ZFAND3: variants seen among roughly 807,000 people sequenced by gnomAD.
ZFAND3 encodes zinc finger AN1-type containing 3.
A neutral mutation model predicts 29.6 loss-of-function variants in ZFAND3; 10 were observed. The ratio of observed to expected loss-of-function variants is 0.34; its 90% CI spans 0.21 to 0.57. The LOEUF is 0.57. Ranked by LOEUF, ZFAND3 falls within the 20% of genes least tolerant of loss-of-function variation. ZFAND3 has a pLI of 0.86. For synonymous variants in ZFAND3, 128 were observed against 112.6 expected, an observed-to-expected ratio of 1.14 and a Z score of -0.87; for missense variants, 230 against 304.5, an observed-to-expected ratio of 0.76 and a Z score of 1.82.
At chr6:37,959,864 C>T (rs1454994931) in intron 2 of ZFAND3, among the ~76,000 whole-genome samples, 1 of 152,154 alleles carries the variant, frequency 6.6e-6, no homozygotes, top group Admixed American at 6.5e-5. Context: ...AACCTGGGCC[C>T]ATGAAACTTG....
intron 2 of ZFAND3, among the ~76,000 whole-genome samples, chr6:37,953,760 A>G (rs1377109147): frequency 1.3e-5 from 2 of 152,096 alleles, no homozygotes; most frequent in South Asian, 2.1e-4. Context: ...ACTATAGTCA[A>G]TTATCTTTTA....
intron 2 of ZFAND3, among the ~76,000 whole-genome samples, chr6:38,053,034 G>GAAAA (rs532652816): frequency 9.7e-6 from 1 of 103,100 alleles, no homozygotes; most frequent in Non-Finnish European, 2.0e-5. Flanking sequence ...ACTCCATTTC[G>GAAAA]AAAAAAAAAA....
At position 37,914,672 on chromosome 6, in the gene ZFAND3, C is replaced by CT. The variant is rs71542148; in HGVS notation, c.72-15277dup. On this transcript the variant is annotated intron_variant, in intron 1 of 5. Transcript: ENST00000287218. ...TTTCTTTCTTTCTTTCTTTTTTTTT[C>CT]TTTTTTTTTTAGTGGAGACGGGGTT... 4.9e-4 allele frequency among the ~76,000 whole-genome samples: 56 copies of CT among 114,208 alleles called. 1 individual carries two copies. Among genetic ancestry groups the CT allele is most frequent in the African/African-American group, 8.9e-4 (25 of 28,022 alleles). The allele number at this position is 114,208 out of a possible 152,430, so 74.9% of individuals were successfully genotyped here.
intron 1 of ZFAND3, among the ~76,000 whole-genome samples, chr6:37,851,372 T>G (rs1764277446): frequency 6.6e-6 from 1 of 152,220 alleles, no homozygotes; most frequent in East Asian, 1.9e-4. Context: ...CTTTGGAAAA[T>G]AGATCTGTTC....
At chr6:38,040,875 G>C (rs994043675) in intron 2 of ZFAND3, among the ~76,000 whole-genome samples, 2 of 152,144 alleles carry the variant, frequency 1.3e-5, no homozygotes, top group African/African-American at 4.8e-5. Context: ...ATAAACTTCT[G>C]TTATCTGATC....
At position 37,819,933 on chromosome 6, in the gene ZFAND3, G is replaced by T; in HGVS notation, c.-13G>T. 1.6e-6 allele frequency: 2 copies of T among 1,215,868 alleles called. No homozygotes were observed. Among genetic ancestry groups the T allele is most frequent in the Non-Finnish European group, 2.0e-6 (2 of 979,270 alleles). 75.3% of individuals were successfully genotyped at this position (1,215,868 alleles called of 1,614,324 possible). A position where few individuals can be genotyped will look rare whatever the true frequency, so the allele number is the denominator to read the frequency against. On this transcript the variant is annotated 5_prime_UTR_variant, in exon 1 of 6. Transcript: ENST00000287218. ...ACCGCTGCCGCCGCCGAGCTCCGCC[G>T]CCGCCGAGCACCATGGGAGACGCTG...
intron 2 of ZFAND3, among the ~76,000 whole-genome samples, chr6:38,011,168 T>A (rs1763145763): frequency 6.6e-6 from 1 of 152,242 alleles, no homozygotes; most frequent in South Asian, 2.1e-4. Context: ...TTTTCATTGC[T>A]TTCCATTGCA....
In ZFAND3 at chr6:37,932,108, A is replaced by G. The variant is rs577473658; in HGVS notation, c.112+2109A>G. Among the ~76,000 whole-genome samples, 3 of 152,226 alleles carry G rather than the reference A, an allele frequency of 2.0e-5. No homozygotes were observed. The East Asian group carries it at 5.8e-4, about 29-fold the overall frequency. On this transcript the variant is annotated intron_variant, in intron 2 of 5. Transcript: ENST00000287218. ...ACATGGCGAAACCCCGTCTCTACTA[A>G]AAACACAAAAATTAGCTGGGTGTGG...
At chr6:38,041,427 A>G (rs1436258662) in intron 2 of ZFAND3, among the ~76,000 whole-genome samples, 1 of 151,800 alleles carries the variant, frequency 6.6e-6, no homozygotes, top group Non-Finnish European at 1.5e-5. Flanking sequence ...TTTGCTTTCC[A>G]CTGTAAGAGC....
intron 1 of ZFAND3, among the ~76,000 whole-genome samples, chr6:37,860,649 T>G (rs947520340): frequency 7.6e-5 from 11 of 145,148 alleles, no homozygotes; most frequent in African/African-American, 2.7e-4. Flanking sequence ...TTTTTTTTTT[T>G]TTTTTTTTAA....
At chr6:38,066,390 C>G (rs931966946) in intron 3 of ZFAND3, among the ~76,000 whole-genome samples, 4 of 152,146 alleles carry the variant, frequency 2.6e-5, no homozygotes, top group African/African-American at 9.7e-5. Context: ...AGGAGATTGC[C>G]TATGTTGATA....
chr6:37,875,121 T>C (rs1764768191), intron 1 of ZFAND3, among the ~76,000 whole-genome samples: 1 of 152,246 alleles, frequency 6.6e-6, no homozygotes, highest in Non-Finnish European at 1.5e-5. Flanking sequence ...TATACTGATG[T>C]ACCTGAGTAT....
At position 38,153,345 on chromosome 6, in the gene ZFAND3, G is replaced by A. The variant is rs761763829; in HGVS notation, c.*956G>A. On this transcript the variant is annotated 3_prime_UTR_variant, in exon 6 of 6. Transcript: ENST00000287218. The stretch of plus-strand genomic sequence containing the variant: ...AGCAGCTGGGGAAGCTGCCGCCCAC[G>A]GGCTCTGCCCCTTCCAGCTGGAGCC... The A allele has an allele frequency of 7.1e-6, 7 of 985,372 alleles. No homozygotes were observed. The highest frequency in any genetic ancestry group is 1.7e-5 in the African/African-American group (1 of 57,258). The allele number at this position is 985,372 out of a possible 1,614,324, so 61.0% of individuals were successfully genotyped here. A position where few individuals can be genotyped will look rare whatever the true frequency, so the allele number is the denominator to read the frequency against.
intron 2 of ZFAND3, among the ~76,000 whole-genome samples, chr6:37,934,797 C>T (rs1191564897): frequency 7.9e-6 from 1 of 126,680 alleles, no homozygotes; most frequent in East Asian, 2.6e-4. Context: ...TGAGATTGTG[C>T]CACTGCATTC....
At chr6:37,860,181 T>C (rs999229690) in intron 1 of ZFAND3, among the ~76,000 whole-genome samples, 1 of 147,896 alleles carries the variant, frequency 6.8e-6, no homozygotes, top group African/African-American at 2.5e-5. Flanking sequence ...AAAAAGAGTT[T>C]TTTTTTTTTT....
At chr6:37,976,894 A>AT (rs1309205980) in intron 2 of ZFAND3, among the ~76,000 whole-genome samples, 15 of 152,074 alleles carry the variant, frequency 9.9e-5, no homozygotes. Flanking sequence ...GGGGATTACA[A>AT]TTTTAGATGA....
chr6:37,978,231 T>A (rs77296715), intron 2 of ZFAND3, among the ~76,000 whole-genome samples: 9,186 of 152,300 alleles, frequency 0.06, 420 homozygotes, highest in Non-Finnish European at 0.1. Context: ...CTTTAATTCA[T>A]TAATATAGTG....
chr6:37,913,673 ATT>A (rs1361829609), intron 1 of ZFAND3, among the ~76,000 whole-genome samples: 4 of 132,338 alleles, frequency 3.0e-5, no homozygotes, highest in Non-Finnish European at 6.6e-5. Flanking sequence ...ATAGTCTATT[ATT>A]TACTTTGCCC....
chr6:37,987,022 G>A (rs548075431), intron 2 of ZFAND3, among the ~76,000 whole-genome samples: 1 of 152,302 alleles, frequency 6.6e-6, no homozygotes, highest in Admixed American at 6.5e-5. Context: ...ATAGGGCAAT[G>A]ATTTATCTCT....
Sources: allele counts gnomAD v4.1 joint callset (sites outside exome capture counted in the v4.1 genomes callset), GRCh38; gene constraint gnomAD v4.1.1; transcripts MANE v1.5; gene names NCBI Gene and HGNC (gene_info 2026-07-23, HGNC 2026-07-21).